Variants in MAML3 observed in about 807,000 individuals in gnomAD.
MAML3 encodes mastermind like transcriptional coactivator 3, also known as mastermind-like protein 3.
MAML3 carries 27 observed loss-of-function variants against 101.9 expected under a neutral mutation model. The ratio of observed to expected loss-of-function variants is 0.27; its 90% CI spans 0.20 to 0.37. The LOEUF (loss-of-function observed/expected upper bound fraction) is 0.37. Among genes scored for constraint, MAML3 ranks in the 10% least tolerant of loss-of-function variants. The pLI is 1.00. For synonymous variants in MAML3, 501 were observed against 555.9 expected (o/e 0.90, Z 1.39); for missense variants, 1,316 against 1,444.9 (o/e 0.91, Z 1.45).
At chr4:139,760,176 C>A (rs192512895) in intron 2 of MAML3, among the ~76,000 whole-genome samples, 1 of 152,322 alleles carries the variant, frequency 6.6e-6, no homozygotes, top group East Asian at 1.9e-4. Flanking sequence ...AGTGATAAGG[C>A]ACTGTCACTG....
At chr4:139,943,855 T>C (rs1733651924) in intron 1 of MAML3, among the ~76,000 whole-genome samples, 2 of 145,118 alleles carry the variant, frequency 1.4e-5, no homozygotes, top group Non-Finnish European at 3.0e-5. Flanking sequence ...GTTGTGGGCC[T>C]AAAGACAACT....
chr4:139,910,046 A>G (rs1732890772), intron 1 of MAML3, among the ~76,000 whole-genome samples: 1 of 152,188 alleles, frequency 6.6e-6, no homozygotes, highest in Non-Finnish European at 1.5e-5. Context: ...CATCATCAAG[A>G]AAGTAGGACA....
Position 140,032,080 on chromosome 4 carries a change from C to G in MAML3, c.468+120780G>C, listed in dbSNP as rs528046208. On this transcript the variant is annotated intron_variant, in intron 1 of 4. Coordinates refer to ENST00000509479, the MANE Select transcript of MAML3 (RefSeq NM_018717.5). ...AAACTTGGATCTTAACTCTACTTAG[C>G]CTTAAATTTACCTGTCTGTGCACAT... Among the ~76,000 whole-genome samples the G allele has an allele frequency of 9.8e-5, 15 of 152,314 alleles. No homozygotes were observed. The South Asian group carries it at 3.1e-3, about 32-fold the overall frequency.
chr4:140,017,009 C>A (rs1000799667), intron 1 of MAML3, among the ~76,000 whole-genome samples: 10 of 152,116 alleles, frequency 6.6e-5, no homozygotes, highest in South Asian at 2.1e-4. Context: ...CTTAAGAGAA[C>A]GAAAGAACAA....
intron 2 of MAML3, among the ~76,000 whole-genome samples, chr4:139,754,168 A>G (rs1189306350): frequency 2.0e-5 from 3 of 152,272 alleles, no homozygotes; most frequent in African/African-American, 7.2e-5. Flanking sequence ...TAATGCAAAC[A>G]ATATTACTAT....
chr4:139,846,217 A>T (rs184317806), intron 2 of MAML3, among the ~76,000 whole-genome samples: 1 of 152,184 alleles, frequency 6.6e-6, no homozygotes, highest in Middle Eastern at 3.2e-3. Flanking sequence ...ACTGTACTTT[A>T]TTTTTATTTT....
chr4:139,948,605 C>G (rs1020071781), intron 1 of MAML3, among the ~76,000 whole-genome samples: 1 of 152,236 alleles, frequency 6.6e-6, no homozygotes, highest in African/African-American at 2.4e-5. Context: ...AAGGATGACA[C>G]TAGAAATGGT....
At chr4:139,832,245 C>T (rs1731180478) in intron 2 of MAML3, among the ~76,000 whole-genome samples, 1 of 151,594 alleles carries the variant, frequency 6.6e-6, no homozygotes, top group African/African-American at 2.4e-5. Flanking sequence ...GCTAAGATTA[C>T]AGGCGTGTGC....
At chr4:139,873,443 T>G (rs1038812896) in intron 2 of MAML3, among the ~76,000 whole-genome samples, 3 of 152,224 alleles carry the variant, frequency 2.0e-5, no homozygotes, top group Admixed American at 6.5e-5. Context: ...TCCACAAATA[T>G]GTTCACAAAT....
intron 2 of MAML3, among the ~76,000 whole-genome samples, chr4:139,822,533 T>A (rs1038003332): frequency 6.6e-6 from 1 of 152,174 alleles, no homozygotes; most frequent in African/African-American, 2.4e-5. Context: ...CCAGCAGGGC[T>A]TTTATGCCAG....
chr4:139,905,491 CAA>C (rs57898254), intron 1 of MAML3, among the ~76,000 whole-genome samples: 3 of 79,962 alleles, frequency 3.8e-5, no homozygotes, highest in Non-Finnish European at 2.7e-5. Context: ...GACTCTGTCT[CAA>C]AAAAAAAAAA....
chr4:139,874,708 G>A (rs891496154), intron 2 of MAML3, among the ~76,000 whole-genome samples: 2 of 151,644 alleles, frequency 1.3e-5, no homozygotes, highest in African/African-American at 4.8e-5. Context: ...TAAAAACACA[G>A]TACATCCTAT....
At chr4:140,011,094 T>C (rs1726547100) in intron 1 of MAML3, among the ~76,000 whole-genome samples, 1 of 59,248 alleles carries the variant, frequency 1.7e-5, no homozygotes, top group African/African-American at 4.0e-5. Flanking sequence ...CTAGACTCTG[T>C]CTCGAAAAAA....
At chr4:139,812,900 A>G (rs1730828775) in intron 2 of MAML3, among the ~76,000 whole-genome samples, 1 of 151,998 alleles carries the variant, frequency 6.6e-6, no homozygotes. Flanking sequence ...ATAAATAAAT[A>G]CAGAGAAGAG....
At chr4:140,091,532 C>CAACAAA (rs1560890515) in intron 1 of MAML3, among the ~76,000 whole-genome samples, 4 of 12,082 alleles carry the variant, frequency 3.3e-4, no homozygotes, top group African/African-American at 4.6e-4. Flanking sequence ...AACAAAACAA[C>CAACAAA]AAAACAAAAA....
At chr4:139,722,637 G>A (rs745863742) in intron 4 of MAML3, among the ~76,000 whole-genome samples, 3 of 152,074 alleles carry the variant, frequency 2.0e-5, no homozygotes, top group Non-Finnish European at 2.9e-5. Context: ...CAAGAAGCCT[G>A]TATTTGTGAA....
intron 2 of MAML3, among the ~76,000 whole-genome samples, chr4:139,812,172 T>C (rs1446089944): frequency 1.3e-5 from 2 of 152,174 alleles, no homozygotes; most frequent in Non-Finnish European, 2.9e-5. Flanking sequence ...AGAAGATCAC[T>C]TGAGCCCAGG....
intron 2 of MAML3, among the ~76,000 whole-genome samples, chr4:139,843,924 G>A (rs972808660): frequency 8.6e-5 from 13 of 152,040 alleles, no homozygotes; most frequent in African/African-American, 3.1e-4. Context: ...TGGCCCACAG[G>A]GCCCCTGGGA....
chr4:140,086,416 G>C (rs187273807), intron 1 of MAML3, among the ~76,000 whole-genome samples: 6 of 152,008 alleles, frequency 3.9e-5, no homozygotes, highest in Non-Finnish European at 1.5e-5. Context: ...ACACTGTCTC[G>C]TCGTCCAAAT....
Sources: gnomAD v4.1 joint callset for allele counts (sites outside exome capture counted in the v4.1 genomes callset) on GRCh38, gnomAD v4.1.1 for gene constraint, MANE v1.5 for transcripts, NCBI Gene and HGNC (gene_info 2026-07-23, HGNC 2026-07-21) for gene names.